MICAL2: variants seen among roughly 807,000 people sequenced by gnomAD.
The protein encoded by MICAL2 is microtubule associated monooxygenase, calponin and LIM domain containing 2, also known as [F-actin]-monooxygenase MICAL2.
A neutral mutation model predicts 127.3 loss-of-function variants in MICAL2; 77 were observed. The ratio of observed to expected loss-of-function variants is 0.60; its 90% CI spans 0.50 to 0.73. The LOEUF is 0.73. MICAL2 is among the 30% of genes least tolerant of loss of function. MICAL2 has a pLI of 0.00. For missense variants in MICAL2, 1,351 were observed against 1,434.4 expected, an observed-to-expected ratio of 0.94 and a Z score of 0.94; for synonymous variants, 570 against 551.1, an observed-to-expected ratio of 1.03 and a Z score of -0.48.
chr11:12,217,233 C>G (rs1269865715), intron 8 of MICAL2, among the ~76,000 whole-genome samples: 1 of 152,230 alleles, frequency 6.6e-6, no homozygotes, highest in African/African-American at 2.4e-5. Context: ...GCCTGGAGCC[C>G]AGGCAGCACG....
At chr11:12,273,776 C>T (rs1221250490), upstream of MICAL2, among the ~76,000 whole-genome samples, 2 of 152,030 alleles carry the variant, frequency 1.3e-5, no homozygotes, top group Non-Finnish European at 2.9e-5. Flanking sequence ...GCCACAGGGG[C>T]AGGGAGAGAA....
At chr11:12,357,899 G>A (rs1415947016) in intron 34 of MICAL2, among the ~76,000 whole-genome samples, 2 of 152,156 alleles carry the variant, frequency 1.3e-5, no homozygotes, top group African/African-American at 4.8e-5. Context: ...GGTGCAGGTG[G>A]TTTACTTAGA....
At chr11:12,136,252 A>C (rs7119131) in intron 1 of MICAL2, among the ~76,000 whole-genome samples, 89,656 of 151,974 alleles carry the variant, frequency 0.59, 27,014 homozygotes, top group South Asian at 0.71. Flanking sequence ...ACAAAGGAAA[A>C]TATAGTGTCA....
intron 34 of MICAL2, among the ~76,000 whole-genome samples, chr11:12,357,062 T>C (rs1939140412): frequency 6.6e-6 from 1 of 152,212 alleles, no homozygotes; most frequent in Non-Finnish European, 1.5e-5. Flanking sequence ...CTCTCTTCTT[T>C]CTTCTTAAAA....
intron 6 of MICAL2, among the ~76,000 whole-genome samples, chr11:12,212,028 C>T (rs1397982978): frequency 2.6e-5 from 4 of 152,298 alleles, no homozygotes; most frequent in African/African-American, 9.6e-5. Context: ...CCATGTTCCA[C>T]GGGATGGGCC....
At chr11:12,345,858 A>C (rs1426637095) in intron 32 of MICAL2, among the ~76,000 whole-genome samples, 1 of 152,210 alleles carries the variant, frequency 6.6e-6, no homozygotes, top group Non-Finnish European at 1.5e-5. Context: ...GACTCTCTTT[A>C]AGATATATCT....
Position 12,262,538 on chromosome 11 carries a change from G to A in MICAL2, c.*17+1G>A, listed in dbSNP as rs368352570. The A allele has an allele frequency of 9.9e-6, 16 of 1,611,448 alleles. No individual in the cohort carries two copies. In the African/African-American group the frequency reaches 2.1e-4, roughly 22 times the overall value. On this transcript the variant is annotated splice_donor_variant, in intron 27 of 27. Coordinates refer to ENST00000683283, the MANE Select transcript of MICAL2 (RefSeq NM_001282663.2). LOFTEE classifies it low-confidence loss of function (3UTR_SPLICE). ...TTGGCTGACACACTTCTGCTCTAAG[G>A]TGACTGGTTTTCTTGCCAATTTTCA...
chr11:12,318,461 A>G (rs1324334168), intron 29 of MICAL2, among the ~76,000 whole-genome samples: 1 of 152,194 alleles, frequency 6.6e-6, no homozygotes, highest in Non-Finnish European at 1.5e-5. Flanking sequence ...GAATAACAAC[A>G]TATGTAAATG....
At chr11:12,355,259 C>T (rs1304020863) in intron 34 of MICAL2, among the ~76,000 whole-genome samples, 1 of 152,122 alleles carries the variant, frequency 6.6e-6, no homozygotes, top group South Asian at 2.1e-4. Context: ...GAGATGAAGG[C>T]CACATCAGAA....
At chr11:12,277,900 T>A (rs1310395661) in intron 1 of MICAL2, among the ~76,000 whole-genome samples, 2 of 152,230 alleles carry the variant, frequency 1.3e-5, no homozygotes, top group East Asian at 3.8e-4. Context: ...GACCTGCACA[T>A]TGTGTTACTC....
chr11:12,349,425 A>G (rs572110518), intron 32 of MICAL2, among the ~76,000 whole-genome samples: 1 of 152,296 alleles, frequency 6.6e-6, no homozygotes, highest in South Asian at 2.1e-4. Flanking sequence ...CTGGGTACTC[A>G]GTAGGCATTT....
At chr11:12,330,835 GAGAGAGAGAGAGACAGAGAGAGGGGT>G in intron 32 of MICAL2, among the ~76,000 whole-genome samples, 1 of 151,086 alleles carries the variant, frequency 6.6e-6, no homozygotes, top group African/African-American at 2.4e-5. Context: ...GAGACAGACA[GAGAGAGAGAGAGACAGAGAGAGGGGT>G]AGAGAGAGAG....
chr11:12,112,991 T>C (rs1849720726), intron 1 of MICAL2, among the ~76,000 whole-genome samples: 1 of 152,094 alleles, frequency 6.6e-6, no homozygotes, highest in Non-Finnish European at 1.5e-5. Context: ...ACTGCTGAAG[T>C]ATAGAGGTCT....
intron 3 of MICAL2, among the ~76,000 whole-genome samples, chr11:12,162,745 T>A (rs990699452): frequency 6.6e-6 from 1 of 152,240 alleles, no homozygotes; most frequent in Non-Finnish European, 1.5e-5. Context: ...GAGCAGCTTC[T>A]AGGTACAAGG....
chr11:12,288,697 T>G (rs1297320871), downstream of MICAL2, among the ~76,000 whole-genome samples: 1 of 152,024 alleles, frequency 6.6e-6, no homozygotes, highest in African/African-American at 2.4e-5. Flanking sequence ...ATGAATGAAG[T>G]AAGGAACCAA....
chr11:12,259,035 T>G (rs1444187462), intron 25 of MICAL2, among the ~76,000 whole-genome samples: 1 of 152,258 alleles, frequency 6.6e-6, no homozygotes, highest in Non-Finnish European at 1.5e-5. Flanking sequence ...TTCTGGCATC[T>G]CTTAGCAAAT....
At chr11:12,286,516 A>G (rs185987763) in intron 2 of MICAL2, among the ~76,000 whole-genome samples, 1 of 152,316 alleles carries the variant, frequency 6.6e-6, no homozygotes, top group East Asian at 1.9e-4. Context: ...TGATCTTAGT[A>G]ATGATGGTTC....
At chr11:12,143,628 A>G (rs997117816) in intron 2 of MICAL2, among the ~76,000 whole-genome samples, 2 of 152,208 alleles carry the variant, frequency 1.3e-5, no homozygotes, top group Non-Finnish European at 2.9e-5. Flanking sequence ...CCAACAGTTC[A>G]TATTTAAAAT....
At chr11:12,298,297 T>C (rs1864009962) in intron 29 of MICAL2, among the ~76,000 whole-genome samples, 3 of 152,128 alleles carry the variant, frequency 2.0e-5, no homozygotes, top group African/African-American at 7.2e-5. Context: ...CATTCTACTG[T>C]TGTTTGTATA....
Sources: gnomAD v4.1 joint callset for allele counts (sites outside exome capture counted in the v4.1 genomes callset) on GRCh38, gnomAD v4.1.1 for gene constraint, MANE v1.5 for transcripts, NCBI Gene and HGNC (gene_info 2026-07-23, HGNC 2026-07-21) for gene names.